REC114: variants seen among roughly 807,000 people sequenced by gnomAD.
REC114 encodes the protein meiotic recombination protein REC114.
In REC114, 27 loss-of-function variants were observed where a neutral mutation model predicts 31.3. The ratio of observed to expected loss-of-function variants is 0.86; its 90% CI spans 0.64 to 1.19. The LOEUF (loss-of-function observed/expected upper bound fraction) is 1.19, where lower values mean the gene tolerates loss of function less well. REC114 is among the 50% of genes most tolerant of loss of function. The probability of loss-of-function intolerance (pLI) is 0.00; values close to 1 mark genes in which losing one functional copy is unlikely to be tolerated. For missense variants in REC114, 344 were observed against 326.9 expected (o/e 1.05, Z -0.40); for synonymous variants, 134 against 127.7 (o/e 1.05, Z -0.33).
chr15:73,541,499 G>T (rs1254872889), intron 3 of REC114, among the ~76,000 whole-genome samples: 1 of 151,906 alleles, frequency 6.6e-6, no homozygotes, highest in Non-Finnish European at 1.5e-5. Context: ...CCTTAATATT[G>T]TAATAAACTA....
At chr15:73,488,476 AAG>A (rs950612675) in intron 2 of REC114, among the ~76,000 whole-genome samples, 6 of 152,320 alleles carry the variant, frequency 3.9e-5, no homozygotes, top group Non-Finnish European at 5.9e-5. Flanking sequence ...ATAAGCAGTT[AAG>A]AGAGTCCATA....
intron 2 of REC114, among the ~76,000 whole-genome samples, chr15:73,536,492 G>A (rs1350314469): frequency 6.6e-6 from 1 of 152,150 alleles, no homozygotes; most frequent in Non-Finnish European, 1.5e-5. Context: ...TTTAATGGCA[G>A]TAAGCACAGC....
At chr15:73,524,526 C>T (rs1893979825) in intron 2 of REC114, among the ~76,000 whole-genome samples, 1 of 152,150 alleles carries the variant, frequency 6.6e-6, no homozygotes, top group African/African-American at 2.4e-5. Context: ...TAAAGTTGAA[C>T]AAACTTTATG....
rs552778115 is a variant in REC114, at chr15:73,536,621, A to C, written c.250-3864A>C. On this transcript the variant is annotated intron_variant, in intron 2 of 5. Coordinates refer to ENST00000331090, the MANE Select transcript of REC114 (RefSeq NM_001042367.2). ...ATGGATAAGCCTTAAAAGAGATTCA[A>C]ACAGGTGGATTTTCACAGCAAGGCA... is the stretch of plus-strand genomic sequence containing the variant. Among the ~76,000 whole-genome samples the C allele has an allele frequency of 8.1e-4, 123 of 152,340 alleles. 1 individual carries two copies. Among genetic ancestry groups the C allele is most frequent in the Admixed American group, 2.0e-3 (31 of 15,300 alleles).
At chr15:73,474,420 A>G (rs535697989) in intron 2 of REC114, among the ~76,000 whole-genome samples, 93 of 152,238 alleles carry the variant, frequency 6.1e-4, no homozygotes, top group Non-Finnish European at 6.8e-4. Context: ...TGTAAAGAAA[A>G]TAAGAATCAA....
chr15:73,451,835 A>G (rs575496734), intron 1 of REC114, among the ~76,000 whole-genome samples: 1 of 152,340 alleles, frequency 6.6e-6, no homozygotes, highest in East Asian at 1.9e-4. Flanking sequence ...CAATGTACAC[A>G]AATCAATAAA....
intron 2 of REC114, among the ~76,000 whole-genome samples, chr15:73,475,696 A>C (rs1384613009): frequency 2.6e-5 from 4 of 152,224 alleles, no homozygotes; most frequent in African/African-American, 4.8e-5. Context: ...TTTTAAAATA[A>C]ATTTATTTAT....
chr15:73,482,354 G>T (rs1410809355), intron 2 of REC114, among the ~76,000 whole-genome samples: 9 of 152,082 alleles, frequency 5.9e-5, no homozygotes, highest in Non-Finnish European at 1.3e-4. Flanking sequence ...AAATAGTGAG[G>T]CACTTCCCCC....
intron 1 of REC114, among the ~76,000 whole-genome samples, chr15:73,462,291 T>A (rs1025049989): frequency 2.6e-5 from 4 of 152,094 alleles, no homozygotes; most frequent in Non-Finnish European, 4.4e-5. Context: ...TATAAAGTTA[T>A]CAGTCATTAA....
intron 2 of REC114, among the ~76,000 whole-genome samples, chr15:73,494,328 C>A (rs1193829659): frequency 6.6e-6 from 1 of 151,890 alleles, no homozygotes; most frequent in Non-Finnish European, 1.5e-5. Context: ...CCTGTCTCTA[C>A]TAATAATACA....
chr15:73,538,786 C>G (rs924492130), intron 2 of REC114, among the ~76,000 whole-genome samples: 2 of 151,882 alleles, frequency 1.3e-5, no homozygotes, highest in Non-Finnish European at 2.9e-5. Context: ...AGTGCTGATA[C>G]ATAACATTTA....
chr15:73,509,014 C>T (rs551086043), intron 2 of REC114, among the ~76,000 whole-genome samples: 1 of 151,176 alleles, frequency 6.6e-6, no homozygotes, highest in Admixed American at 6.6e-5. Flanking sequence ...CCTGAGGAAT[C>T]GCCACACTGA....
chr15:73,552,125 A>G (rs1894401644), intron 4 of REC114, among the ~76,000 whole-genome samples: 2 of 152,254 alleles, frequency 1.3e-5, no homozygotes, highest in African/African-American at 4.8e-5. Flanking sequence ...ATATAACAGT[A>G]TAACAAGTTT....
chr15:73,496,713 C>G (rs769881796), intron 2 of REC114, among the ~76,000 whole-genome samples: 44 of 151,848 alleles, frequency 2.9e-4, no homozygotes, highest in Non-Finnish European at 5.4e-4. Context: ...ATTCACCCAG[C>G]TTTCCCAAAT....
chr15:73,502,928 T>C (rs960519877), intron 2 of REC114, among the ~76,000 whole-genome samples: 1 of 152,190 alleles, frequency 6.6e-6, no homozygotes, highest in Non-Finnish European at 1.5e-5. Context: ...ACTGAATTGA[T>C]TGCATTGATT....
At position 73,484,785 on chromosome 15, in the gene REC114, A is replaced by G. The variant is rs200015625; in HGVS notation, c.249+10864A>G. Among the ~76,000 whole-genome samples, 6 of 152,322 alleles carry G rather than the reference A, an allele frequency of 3.9e-5. No individual in the cohort carries two copies. The East Asian group carries it at 1.2e-3, about 29-fold the overall frequency. On this transcript the variant is annotated intron_variant, in intron 2 of 5. Transcript: ENST00000331090. Reference sequence around the variant, plus strand: ...GCCTGAAACACAGAATGGTTTTGAGACAATTTTAATTCTGTTTGTCTGGAA... The same window carrying G: ...GCCTGAAACACAGAATGGTTTTGAGGCAATTTTAATTCTGTTTGTCTGGAA...
chr15:73,447,727 G>A (rs376140684), intron 1 of REC114, among the ~76,000 whole-genome samples: 12 of 151,668 alleles, frequency 7.9e-5, no homozygotes, highest in Admixed American at 2.6e-4. Flanking sequence ...GAACAGCTCC[G>A]ATCTGCAGCT....
chr15:73,503,609 T>C (rs1360969197), intron 2 of REC114, among the ~76,000 whole-genome samples: 2 of 152,174 alleles, frequency 1.3e-5, no homozygotes, highest in African/African-American at 4.8e-5. Context: ...ATGCTTGAAA[T>C]AAGCAACATT....
At chr15:73,545,581 T>A (rs1894297112) in intron 3 of REC114, among the ~76,000 whole-genome samples, 1 of 152,144 alleles carries the variant, frequency 6.6e-6, no homozygotes, top group Non-Finnish European at 1.5e-5. Flanking sequence ...AATTCTAAAA[T>A]TTTTACAGAA....
Sources: allele counts gnomAD v4.1 joint callset (sites outside exome capture counted in the v4.1 genomes callset), GRCh38; gene constraint gnomAD v4.1.1; transcripts MANE v1.5; gene names NCBI Gene and HGNC (gene_info 2026-07-23, HGNC 2026-07-21).